The following NXPE2 variants were observed in gnomAD, a reference collection of about 807,000 sequenced individuals.
NXPE2 encodes the protein neurexophilin and PC-esterase domain family member 2.
A neutral mutation model predicts 34.4 loss-of-function variants in NXPE2; 34 were observed. That is an observed-to-expected ratio of 0.99 (90% CI 0.75 to 1.31). NXPE2 has a LOEUF of 1.31. Ranked by LOEUF, NXPE2 falls within the 40% of genes most tolerant of loss-of-function variation. NXPE2 has a pLI of 0.00. For synonymous variants in NXPE2, 235 were observed against 231.3 expected (o/e 1.02, Z -0.15); for missense variants, 649 against 672.5 (o/e 0.97, Z 0.39).
At chr11:114,581,750 A>G in the NXPE2 span, 1 of 1,612,070 alleles carries the variant, frequency 6.2e-7, no homozygotes, top group South Asian at 1.1e-5. Flanking sequence ...CACTAATTGT[A>G]TTGAATTTTT....
At chr11:114,786,878 C>T in the NXPE2 span, among the ~76,000 whole-genome samples, 1,004 of 152,262 alleles carry the variant, frequency 6.6e-3, 7 homozygotes, top group African/African-American at 0.023. Context: ...ACACATACAG[C>T]CTCACACACT....
At chr11:114,638,882 G>C in the NXPE2 span, among the ~76,000 whole-genome samples, 1 of 150,892 alleles carries the variant, frequency 6.6e-6, no homozygotes, top group South Asian at 2.1e-4. Flanking sequence ...CTACTGGGGG[G>C]TGCCTCCTAG....
chr11:114,754,171 T>A, the NXPE2 span, among the ~76,000 whole-genome samples: 11 of 152,316 alleles, frequency 7.2e-5, no homozygotes, highest in African/African-American at 2.4e-4. Context: ...TTATTGTTGC[T>A]AATTCTTGTG....
chr11:114,547,743 A>G, the NXPE2 span, among the ~76,000 whole-genome samples: 4 of 152,182 alleles, frequency 2.6e-5, no homozygotes, highest in African/African-American at 9.6e-5. Flanking sequence ...TCAAAAAGGA[A>G]AAGAAATGAT....
chr11:114,536,476 A>C, the NXPE2 span, among the ~76,000 whole-genome samples: 2 of 152,210 alleles, frequency 1.3e-5, no homozygotes, highest in Non-Finnish European at 2.9e-5. Flanking sequence ...CCTTCAAAAA[A>C]ATCAATGAAT....
the NXPE2 span, among the ~76,000 whole-genome samples, chr11:114,617,412 C>A: frequency 6.6e-6 from 1 of 152,094 alleles, no homozygotes; most frequent in African/African-American, 2.4e-5. Context: ...TCGTGGGTAA[C>A]CACTGTTACC....
At chr11:114,787,949 T>G in the NXPE2 span, among the ~76,000 whole-genome samples, 3 of 152,182 alleles carry the variant, frequency 2.0e-5, no homozygotes, top group African/African-American at 7.2e-5. Flanking sequence ...GTGACTTTCC[T>G]GTCACCCCCT....
the NXPE2 span, among the ~76,000 whole-genome samples, chr11:114,641,441 G>A: frequency 1.3e-5 from 2 of 151,950 alleles, no homozygotes; most frequent in Non-Finnish European, 2.9e-5. Flanking sequence ...CAATGAAATT[G>A]CAAAATATTT....
At chr11:114,651,791 C>A in the NXPE2 span, among the ~76,000 whole-genome samples, 6 of 152,170 alleles carry the variant, frequency 3.9e-5, no homozygotes, top group African/African-American at 1.4e-4. Context: ...AAACCTTTAG[C>A]TAGACACAGA....
chr11:114,741,592 C>T, the NXPE2 span, among the ~76,000 whole-genome samples: 1 of 152,014 alleles, frequency 6.6e-6, no homozygotes, highest in East Asian at 1.9e-4. Context: ...CCAAGTCTAC[C>T]ATTGACTCCC....
the NXPE2 span, among the ~76,000 whole-genome samples, chr11:114,650,543 CA>C: frequency 1.3e-5 from 2 of 152,088 alleles, no homozygotes; most frequent in Non-Finnish European, 2.9e-5. Flanking sequence ...GGAGGAAGGG[CA>C]AGTACTGTTC....
At chr11:114,592,399 A>T in the NXPE2 span, among the ~76,000 whole-genome samples, 2 of 152,240 alleles carry the variant, frequency 1.3e-5, no homozygotes, top group East Asian at 3.9e-4. Context: ...CTGAAAAAAT[A>T]TCAAAAAAGC....
the NXPE2 span, among the ~76,000 whole-genome samples, chr11:114,745,944 G>T: frequency 5.3e-5 from 8 of 151,930 alleles, no homozygotes; most frequent in Admixed American, 6.6e-5. Context: ...AGTTATAAAG[G>T]TTTAGTGATA....
At chr11:114,604,799 C>T in the NXPE2 span, among the ~76,000 whole-genome samples, 28 of 144,070 alleles carry the variant, frequency 1.9e-4, no homozygotes, top group East Asian at 4.3e-4. Flanking sequence ...TGTTGCCTCG[C>T]GGGTAACCAC....
the NXPE2 span, among the ~76,000 whole-genome samples, chr11:114,627,039 C>G: frequency 6.6e-6 from 1 of 152,046 alleles, no homozygotes; most frequent in Non-Finnish European, 1.5e-5. Context: ...AAATCTACAT[C>G]TCATTTGTGT....
chr11:114,767,758 A>G, the NXPE2 span, among the ~76,000 whole-genome samples: 2 of 152,132 alleles, frequency 1.3e-5, no homozygotes, highest in African/African-American at 2.4e-5. Context: ...ACATGATTGT[A>G]AGAAAATCTA....
the NXPE2 span, among the ~76,000 whole-genome samples, chr11:114,577,197 C>G: frequency 2.0e-5 from 3 of 148,728 alleles, no homozygotes; most frequent in Non-Finnish European, 4.4e-5. Flanking sequence ...TATACACACA[C>G]ACTGTGGAAT....
At chr11:114,779,550 C>G in the NXPE2 span, among the ~76,000 whole-genome samples, 1 of 152,116 alleles carries the variant, frequency 6.6e-6, no homozygotes, top group Non-Finnish European at 1.5e-5. Flanking sequence ...CAAGTTCTTG[C>G]TGTGAGCTTT....
chr11:114,632,718 T>TA, the NXPE2 span, among the ~76,000 whole-genome samples: 1 of 67,664 alleles, frequency 1.5e-5, no homozygotes, highest in Admixed American at 3.0e-4. Context: ...TAATATAATA[T>TA]ATATAATATA....
Sources: gnomAD v4.1 joint callset for allele counts (sites outside exome capture counted in the v4.1 genomes callset) on GRCh38, gnomAD v4.1.1 for gene constraint, MANE v1.5 for transcripts, NCBI Gene and HGNC (gene_info 2026-07-23, HGNC 2026-07-21) for gene names.